Variants in USP6NL observed in about 807,000 individuals in gnomAD.
USP6NL encodes USP6 N-terminal-like protein.
Under a neutral mutation model 61.9 loss-of-function variants are expected in USP6NL, and 26 were observed. The ratio of observed to expected loss-of-function variants is 0.42; its 90% confidence interval spans 0.31 to 0.58. The LOEUF (loss-of-function observed/expected upper bound fraction) is 0.58, where lower values mean the gene tolerates loss of function less well. Ranked by LOEUF, USP6NL falls within the 20% of genes least tolerant of loss-of-function variation. The pLI, the probability that USP6NL is intolerant of heterozygous loss-of-function variation, is 0.16. For synonymous variants in USP6NL, 432 were observed against 390.1 expected, an observed-to-expected ratio of 1.11 and a Z score of -1.27; for missense variants, 1,114 against 1,034.3, an observed-to-expected ratio of 1.08 and a Z score of -1.06.
At chr10:11,559,033 C>T (rs1836824543) in intron 2 of USP6NL, among the ~76,000 whole-genome samples, 1 of 152,098 alleles carries the variant, frequency 6.6e-6, no homozygotes, top group African/African-American at 2.4e-5. Flanking sequence ...ATAGTCATGA[C>T]AGTACAATTT....
intron 1 of USP6NL, among the ~76,000 whole-genome samples, chr10:11,609,289 A>G (rs1838803393): frequency 6.6e-6 from 1 of 151,416 alleles, no homozygotes; most frequent in Non-Finnish European, 1.5e-5. Flanking sequence ...CTGGTCTTGA[A>G]CCCCTGACCT....
In USP6NL at chr10:11,549,787, C is replaced by T. The variant is rs1480946172; in HGVS notation, c.5-22220G>A. On this transcript the variant is annotated intron_variant, in intron 2 of 14. Coordinates refer to ENST00000609104, the MANE Select transcript of USP6NL (RefSeq NM_014688.5). ...ACAAGTAGAAATTCTAGGAAGTTAC[C>T]ATCTCTTCTACTTTACCAACACGTA... Among the ~76,000 whole-genome samples, 2 of 152,074 alleles carry T rather than the reference C, an allele frequency of 1.3e-5. 1 individual carries two copies. Among genetic ancestry groups the T allele is most frequent in the East Asian group, 3.8e-4 (2 of 5,198 alleles).
At chr10:11,570,231 C>T (rs1460842590) in intron 2 of USP6NL, among the ~76,000 whole-genome samples, 2 of 152,202 alleles carry the variant, frequency 1.3e-5, no homozygotes, top group East Asian at 3.8e-4. Context: ...GCCTGTCATA[C>T]CACTGTAATC....
intron 2 of USP6NL, among the ~76,000 whole-genome samples, chr10:11,557,370 G>T (rs537788109): frequency 1.3e-5 from 2 of 152,278 alleles, no homozygotes; most frequent in East Asian, 3.9e-4. Flanking sequence ...ATAGCAATTA[G>T]AATTTGTTAC....
At chr10:11,607,791 C>T (rs192220080) in intron 1 of USP6NL, among the ~76,000 whole-genome samples, 2 of 152,332 alleles carry the variant, frequency 1.3e-5, no homozygotes, top group East Asian at 3.9e-4. Flanking sequence ...AATATTCTTT[C>T]ATTTAGTTCA....
rs145248562 is a variant in USP6NL, at chr10:11,476,934, C to T, written c.1078+4836G>A. 4.3e-3 allele frequency among the ~76,000 whole-genome samples: 659 copies of T among 152,208 alleles called. 4 individuals are homozygous for T. The highest frequency in any genetic ancestry group is 0.015 in the African/African-American group (619 of 41,528). ...TCACCCAGGCTGAAGTGCAGTGGTG[C>T]GATCTTGACTCACTGCAACCTCCGC... On this transcript the variant is annotated intron_variant, in intron 14 of 14. Coordinates refer to ENST00000609104, the MANE Select transcript of USP6NL (RefSeq NM_014688.5). This position sits in a 1 kb window ranked among gnomAD's most constrained non-coding sequence, Gnocchi z 4.3.
At chr10:11,480,252 C>T (rs1833141240) in intron 14 of USP6NL, among the ~76,000 whole-genome samples, 1 of 152,138 alleles carries the variant, frequency 6.6e-6, no homozygotes, top group African/African-American at 2.4e-5. Context: ...ACCTGTGGTA[C>T]GTGGCACACA....
chr10:11,602,384 TATA>T lies in USP6NL; in HGVS notation c.-83-4670_-83-4668del, dbSNP rs548633446. ...CAGGAAGGATTTACTATGTATAATA[TATA>T]ATATGTATTACAATAAATATATAAT... On this transcript the variant is annotated intron_variant, in intron 1 of 14. Coordinates refer to ENST00000609104, the MANE Select transcript of USP6NL (RefSeq NM_014688.5). The surrounding 1 kb of genome is among the most constrained non-coding windows in gnomAD (Gnocchi z 4.8). 3.9e-5 allele frequency among the ~76,000 whole-genome samples: 6 copies of T among 152,268 alleles called. No homozygotes were observed. The East Asian group carries it at 9.6e-4, about 24-fold the overall frequency.
rs1836373429 is a variant in USP6NL at position 11,548,765 on chromosome 10, T to TATGA, written c.5-21199_5-21198insTCAT. Reference sequence around the variant, plus strand: ...TGACCTATATCCTCCAACCATCATTTGTTCTTCTAGTCTATGGTAGGATCA... The same window carrying TATGA: ...TGACCTATATCCTCCAACCATCATTTATGAGTTCTTCTAGTCTATGGTAGGATCA... On this transcript the variant is annotated intron_variant, in intron 2 of 14. Coordinates refer to ENST00000609104, the MANE Select transcript of USP6NL (RefSeq NM_014688.5). The surrounding 1 kb of genome is among the most constrained non-coding windows in gnomAD (Gnocchi z 4.3). Among the ~76,000 whole-genome samples the TATGA allele has an allele frequency of 6.6e-6, 1 of 152,222 alleles. No homozygotes were observed. Among genetic ancestry groups the TATGA allele is most frequent in the Admixed American group, 6.5e-5 (1 of 15,286 alleles).
chr10:11,564,654 T>C, intron 2 of USP6NL: 1 of 152,126 alleles, frequency 6.6e-6, no homozygotes, highest in East Asian at 1.9e-4. Context: ...AGTAAAGACA[T>C]ATTCAAAGAG....
intron 14 of USP6NL, among the ~76,000 whole-genome samples, chr10:11,473,484 G>A (rs1832843278): frequency 6.6e-6 from 1 of 152,180 alleles, no homozygotes; most frequent in East Asian, 1.9e-4. Flanking sequence ...AAACCAAGTC[G>A]TGAAACTTGG....
chr10:11,570,401 G>A (rs890639409), intron 2 of USP6NL, among the ~76,000 whole-genome samples: 6 of 152,282 alleles, frequency 3.9e-5, no homozygotes, highest in East Asian at 1.9e-4. Context: ...AGGAATGAAC[G>A]TGGAAATGGA....
intron 2 of USP6NL, among the ~76,000 whole-genome samples, chr10:11,559,342 T>C (rs971553384): frequency 5.3e-5 from 8 of 152,116 alleles, no homozygotes; most frequent in South Asian, 2.1e-4. Flanking sequence ...AAAAATATCA[T>C]AAAAATAAGG....
In USP6NL at chr10:11,597,548, TCAG is replaced by T; in HGVS notation, c.4+80_4+82del. ...AATAAGTGACATAATTCCAATTTAT[TCAG>T]TAACATGTTTTTCTTCTCCTAAGCA... On this transcript the variant is annotated intron_variant, in intron 2 of 14. Transcript: ENST00000609104. The surrounding 1 kb of genome is among the most constrained non-coding windows in gnomAD (Gnocchi z 4.6). 1 of 1,377,368 alleles carries T rather than the reference TCAG, an allele frequency of 7.3e-7. No individual in the cohort carries two copies. The highest frequency in any genetic ancestry group is 1.0e-6 in the Non-Finnish European group (1 of 988,344). 85.3% of individuals were successfully genotyped at this position (1,377,368 alleles called of 1,614,324 possible). A position where few individuals can be genotyped will look rare whatever the true frequency, so the allele number is the denominator to read the frequency against.
intron 13 of USP6NL, among the ~76,000 whole-genome samples, chr10:11,483,563 AGAGGCAGG>A (rs1833306272): frequency 4.2e-5 from 2 of 47,334 alleles, no homozygotes; most frequent in Admixed American, 4.2e-4. Context: ...AGGGAGGGAG[AGAGGCAGG>A]GAGAGAGGAA....
At chr10:11,607,471 C>A (rs1005280549) in intron 1 of USP6NL, among the ~76,000 whole-genome samples, 4 of 152,094 alleles carry the variant, frequency 2.6e-5, no homozygotes, top group Admixed American at 6.5e-5. Context: ...ATCACTTGAG[C>A]CTAGGAATTC....
intron 2 of USP6NL, among the ~76,000 whole-genome samples, chr10:11,566,346 A>C (rs527625823): frequency 6.6e-6 from 1 of 152,358 alleles, no homozygotes; most frequent in South Asian, 2.1e-4. Flanking sequence ...ACACACACAA[A>C]GCATAATAAA....
At position 11,528,624 on chromosome 10, in the gene USP6NL, C is replaced by A. The variant is rs546586288; in HGVS notation, c.5-1057G>T. Among the ~76,000 whole-genome samples, 1 of 152,148 alleles carries A rather than the reference C, an allele frequency of 6.6e-6. No homozygotes were observed. Among genetic ancestry groups the A allele is most frequent in the South Asian group, 2.1e-4 (1 of 4,828 alleles). ...TTTCAAATCCAGACAGTCTTGACTC[C>A]ACAGCCCACAATTTTAATTACTATT... On this transcript the variant is annotated intron_variant, in intron 2 of 14. Transcript: ENST00000609104. This position sits in a 1 kb window ranked among gnomAD's most constrained non-coding sequence, Gnocchi z 4.6.
chr10:11,504,599 T>C (rs187771989), intron 6 of USP6NL, among the ~76,000 whole-genome samples: 257 of 152,362 alleles, frequency 1.7e-3, no homozygotes, highest in Non-Finnish European at 2.1e-3. Flanking sequence ...TAAAAAGTGA[T>C]AGCTGGTTGT....
Sources: allele counts gnomAD v4.1 joint callset (sites outside exome capture counted in the v4.1 genomes callset), GRCh38; gene constraint gnomAD v4.1.1; non-coding constraint Gnocchi (gnomAD v3.1); transcripts MANE v1.5; gene names NCBI Gene and HGNC (gene_info 2026-07-23, HGNC 2026-07-21).